Variants in FZD3 observed in about 807,000 individuals in gnomAD.
FZD3 encodes the protein frizzled class receptor 3, also known as frizzled-3.
In FZD3, 30 loss-of-function variants were observed where a neutral mutation model predicts 60.7. The observed-to-expected ratio is 0.49, with a 90% CI of 0.37 to 0.67. The LOEUF (loss-of-function observed/expected upper bound fraction) is 0.67. Among genes scored for constraint, FZD3 ranks in the 30% least tolerant of loss-of-function variants. The pLI is 0.00. For missense variants in FZD3, 605 were observed against 838.7 expected (o/e 0.72, Z 3.44); for synonymous variants, 246 against 275.2 (o/e 0.89, Z 1.05).
chr8:28,501,834 C>T (rs986167668), intron 2 of FZD3, among the ~76,000 whole-genome samples: 5 of 152,018 alleles, frequency 3.3e-5, no homozygotes, highest in African/African-American at 1.2e-4. Context: ...GTGTAATGAC[C>T]GTTCGTTGAT....
Position 28,573,326 on chromosome 8 carries a change from T to G in FZD3, c.*10315T>G, listed in dbSNP as rs1805838726. ...TAAAAGCAAACACATTGCTGTTAGC[T>G]CAAATTAATGTCAGTGAGTAGAATC... On this transcript the variant is annotated 3_prime_UTR_variant, in exon 8 of 8. Coordinates refer to ENST00000240093, the MANE Select transcript of FZD3 (RefSeq NM_017412.4). 2.6e-5 allele frequency: 4 copies of G among 152,132 alleles called. No homozygotes were observed. The highest frequency in any genetic ancestry group is 6.6e-5 in the Admixed American group (1 of 15,248). 9.4% of individuals were successfully genotyped at this position (152,132 alleles called of 1,614,324 possible).
intron 1 of FZD3, among the ~76,000 whole-genome samples, chr8:28,496,539 G>T (rs1012693264): frequency 6.6e-6 from 1 of 152,156 alleles, no homozygotes; most frequent in Non-Finnish European, 1.5e-5. Flanking sequence ...TTAAAAATAT[G>T]TACTGGATAA....
At chr8:28,549,311 A>G (rs1168380422) in intron 5 of FZD3, among the ~76,000 whole-genome samples, 1 of 152,200 alleles carries the variant, frequency 6.6e-6, no homozygotes, top group African/African-American at 2.4e-5. Flanking sequence ...GGGCTTCAAC[A>G]TATGAATTTG....
intron 7 of FZD3, among the ~76,000 whole-genome samples, chr8:28,561,507 T>G (rs912073514): frequency 6.6e-6 from 1 of 152,152 alleles, no homozygotes; most frequent in Non-Finnish European, 1.5e-5. Context: ...TGAAATTTGT[T>G]ACAATTATTT....
chr8:28,519,423 T>A (rs1215537469), intron 3 of FZD3, among the ~76,000 whole-genome samples: 1 of 152,062 alleles, frequency 6.6e-6, no homozygotes, highest in Non-Finnish European at 1.5e-5. Context: ...GATTTCACAG[T>A]ATAAAGAACT....
At chr8:28,513,241 C>G (rs1001172797) in intron 3 of FZD3, among the ~76,000 whole-genome samples, 1 of 152,074 alleles carries the variant, frequency 6.6e-6, no homozygotes, top group African/African-American at 2.4e-5. Context: ...TTATTAAATA[C>G]ATTGGAATTT....
Position 28,569,445 on chromosome 8 carries a change from G to A in FZD3, c.*6434G>A, listed in dbSNP as rs761837782. The A allele has an allele frequency of 1.1e-4, 17 of 151,792 alleles. No individual in the cohort carries two copies. The highest frequency in any genetic ancestry group is 1.8e-4 in the Non-Finnish European group (12 of 67,930). The allele number at this position is 151,792 out of a possible 1,614,324, so 9.4% of individuals were successfully genotyped here. ...ATTTTTCTCATTCTCTAGGGAACAA[G>A]AGAATTAGTTTAGGTAGCGTCTAAA... On this transcript the variant is annotated 3_prime_UTR_variant, in exon 8 of 8. Transcript: ENST00000240093.
chr8:28,556,038 G>A, intron 7 of FZD3, 67 bp downstream of exon 7: 1 of 1,022,746 alleles, frequency 9.8e-7, no homozygotes, highest in Non-Finnish European at 1.5e-6. Context: ...TAAGAAAGAG[G>A]AGCAGCCAAT....
chr8:28,557,415 A>G (rs1034476934), intron 7 of FZD3, among the ~76,000 whole-genome samples: 1 of 152,098 alleles, frequency 6.6e-6, no homozygotes, highest in Non-Finnish European at 1.5e-5. Context: ...AGCTGTTTCT[A>G]TCCTGTCAGT....
chr8:28,533,402 CT>C (rs1230961707), intron 5 of FZD3, among the ~76,000 whole-genome samples: 1 of 152,054 alleles, frequency 6.6e-6, no homozygotes, highest in African/African-American at 2.4e-5. Flanking sequence ...TTTAGAATTA[CT>C]TTGTTTTTCT....
chr8:28,543,701 TTTTCTC>T (rs1372369922), intron 5 of FZD3, among the ~76,000 whole-genome samples: 3 of 151,836 alleles, frequency 2.0e-5, no homozygotes, highest in Admixed American at 6.6e-5. Flanking sequence ...TTTTATGAGA[TTTTCTC>T]TTTTTGTAAG....
In FZD3 at chr8:28,566,556, A is replaced by G. The variant is rs950812492; in HGVS notation, c.*3545A>G. The G allele has an allele frequency of 6.6e-6, 1 of 152,178 alleles. No homozygotes were observed. The highest frequency in any genetic ancestry group is 1.5e-5 in the Non-Finnish European group (1 of 68,004). 9.4% of individuals were successfully genotyped at this position (152,178 alleles called of 1,614,324 possible). A position where few individuals can be genotyped will look rare whatever the true frequency, so the allele number is the denominator to read the frequency against. On this transcript the variant is annotated 3_prime_UTR_variant, in exon 8 of 8. Transcript: ENST00000240093. The stretch of plus-strand genomic sequence containing the variant: ...AACCTACCTCATCAGTTTCTTTGTG[A>G]TAATAGCTGAAAATAACTCAAACTG...
chr8:28,494,859 C>T (rs1367202331), intron 1 of FZD3, among the ~76,000 whole-genome samples: 1 of 152,248 alleles, frequency 6.6e-6, no homozygotes, highest in South Asian at 2.1e-4. Context: ...GCGCGCGCCG[C>T]CAGGCTCCCG....
intron 7 of FZD3, among the ~76,000 whole-genome samples, chr8:28,562,539 CA>C (rs765863060): frequency 6.6e-5 from 10 of 152,256 alleles, no homozygotes; most frequent in Non-Finnish European, 1.3e-4. Context: ...TCAAATCGGT[CA>C]GCCTTATTTA....
Position 28,573,189 on chromosome 8 carries a change from C to G in FZD3, c.*10178C>G, listed in dbSNP as rs1452601532. 3 of 152,218 alleles carry G rather than the reference C, an allele frequency of 2.0e-5. No individual in the cohort carries two copies. The highest frequency in any genetic ancestry group is 2.1e-4 in the South Asian group (1 of 4,818). 9.4% of individuals were successfully genotyped at this position (152,218 alleles called of 1,614,324 possible). The stretch of plus-strand genomic sequence containing the variant: ...CCTTCTATCCCCTAGTCATTCTTAT[C>G]AATACTTCCAAAATATAACCTATCT... On this transcript the variant is annotated 3_prime_UTR_variant, in exon 8 of 8. Transcript: ENST00000240093.
chr8:28,522,303 C>G (rs1330058851), intron 4 of FZD3, among the ~76,000 whole-genome samples: 1 of 151,972 alleles, frequency 6.6e-6, no homozygotes, highest in Non-Finnish European at 1.5e-5. Context: ...ATTTAAGGAC[C>G]TGCTGTATGG....
At chr8:28,555,212 C>T (rs1299188321) in intron 6 of FZD3, among the ~76,000 whole-genome samples, 1 of 152,132 alleles carries the variant, frequency 6.6e-6, no homozygotes, top group East Asian at 1.9e-4. Flanking sequence ...ATAAAATTAA[C>T]TCGTAGACTA....
At chr8:28,517,489 C>A (rs1251021711) in intron 3 of FZD3, among the ~76,000 whole-genome samples, 1 of 152,176 alleles carries the variant, frequency 6.6e-6, no homozygotes, top group Non-Finnish European at 1.5e-5. Context: ...TTTGGAAAAT[C>A]CTTAGCCATC....
chr8:28,537,042 T>C (rs151072251), intron 5 of FZD3, among the ~76,000 whole-genome samples: 50 of 152,286 alleles, frequency 3.3e-4, no homozygotes, highest in Non-Finnish European at 5.4e-4. Context: ...AATCTTTAAA[T>C]TGGTAAATAT....
Sources: gnomAD v4.1 joint callset for allele counts (sites outside exome capture counted in the v4.1 genomes callset) on GRCh38, gnomAD v4.1.1 for gene constraint, MANE v1.5 for transcripts, NCBI Gene and HGNC (gene_info 2026-07-23, HGNC 2026-07-21) for gene names.